Variants in DNAAF10 observed in about 807,000 individuals in gnomAD.
DNAAF10 encodes the protein WD repeat domain 92.
In DNAAF10, 28 loss-of-function variants were observed where a neutral mutation model predicts 43.7. The ratio of observed to expected loss-of-function variants is 0.64; its 90% confidence interval spans 0.48 to 0.88. The LOEUF (loss-of-function observed/expected upper bound fraction) is 0.88. Ranked by LOEUF, DNAAF10 falls within the 40% of genes least tolerant of loss-of-function variation. The probability of loss-of-function intolerance (pLI) is 0.00; values close to 1 mark genes in which losing one functional copy is unlikely to be tolerated. For synonymous variants in DNAAF10, 156 were observed against 157.3 expected, an observed-to-expected ratio of 0.99 and a Z score of 0.06; for missense variants, 403 against 439.1, an observed-to-expected ratio of 0.92 and a Z score of 0.73.
At chr2:68,156,721 A>T (rs1168201983) in intron 1 of DNAAF10, among the ~76,000 whole-genome samples, 1 of 151,788 alleles carries the variant, frequency 6.6e-6, no homozygotes, top group African/African-American at 2.4e-5. Context: ...CTTGTCCTTT[A>T]CTCCTAGTTT....
chr2:68,137,242 T>A, intron 6 of DNAAF10, 57 bp downstream of exon 6: 1 of 1,518,282 alleles, frequency 6.6e-7, no homozygotes, highest in Admixed American at 2.1e-5. Flanking sequence ...ATTCTACTTA[T>A]CAGTCTAAAC....
intron 1 of DNAAF10, among the ~76,000 whole-genome samples, chr2:68,152,308 T>A (rs1399620628): frequency 6.6e-6 from 1 of 152,196 alleles, no homozygotes; most frequent in Non-Finnish European, 1.5e-5. Context: ...ACTGTATATC[T>A]TCAACGTATT....
chr2:68,144,332 T>C (rs369519275), intron 3 of DNAAF10, among the ~76,000 whole-genome samples: 1 of 152,340 alleles, frequency 6.6e-6, no homozygotes, highest in East Asian at 1.9e-4. Context: ...GAAACCATCA[T>C]TGTTAGTAGC....
intron 4 of DNAAF10, 127 bp downstream of exon 4, chr2:68,141,567 A>G: frequency 3.7e-6 from 3 of 820,482 alleles, no homozygotes; most frequent in East Asian, 2.7e-5. Context: ...CACCACGTGT[A>G]TTTGCCTCAG....
intron 3 of DNAAF10, among the ~76,000 whole-genome samples, chr2:68,142,317 C>T (rs1258510327): frequency 6.6e-6 from 1 of 152,094 alleles, no homozygotes; most frequent in Admixed American, 6.6e-5. Context: ...AATGCAATGG[C>T]GTGATCTTGG....
At chr2:68,132,947 T>C (rs764203398) in intron 7 of DNAAF10, among the ~76,000 whole-genome samples, 3 of 152,190 alleles carry the variant, frequency 2.0e-5, no homozygotes, top group Non-Finnish European at 2.9e-5. Context: ...TACAAATCCA[T>C]GTGTAGATTA....
chr2:68,147,635 A>T, intron 1 of DNAAF10, 68 bp from the exon 2 acceptor site: 1 of 1,130,550 alleles, frequency 8.8e-7, no homozygotes, highest in Non-Finnish European at 1.2e-6. Flanking sequence ...TATTAATATC[A>T]TATTTATGGC....
chr2:68,147,432 T>C, intron 2 of DNAAF10, 35 bp downstream of exon 2: 1 of 1,490,088 alleles, frequency 6.7e-7, no homozygotes, highest in East Asian at 2.3e-5. Context: ...AAATTGCCTA[T>C]CTCATCTGTC....
intron 1 of DNAAF10, among the ~76,000 whole-genome samples, chr2:68,153,745 G>GTTC (rs1673514233): frequency 1.3e-5 from 1 of 78,418 alleles, no homozygotes; most frequent in African/African-American, 5.0e-5. Flanking sequence ...ACACAATGAA[G>GTTC]TTTTTTTTTT....
intron 3 of DNAAF10, among the ~76,000 whole-genome samples, chr2:68,144,160 T>C (rs1234951063): frequency 6.6e-6 from 1 of 152,190 alleles, no homozygotes; most frequent in East Asian, 1.9e-4. Flanking sequence ...GCTTAGTGGA[T>C]GGATCACAGA....
At chr2:68,134,101 C>A in intron 7 of DNAAF10, 1 of 978,646 alleles carries the variant, frequency 1.0e-6, no homozygotes, top group Non-Finnish European at 1.2e-6. Context: ...TTTTATCAGA[C>A]CTTTAATTTT....
chr2:68,133,725 C>A (rs1369095457), intron 7 of DNAAF10, among the ~76,000 whole-genome samples: 2 of 152,140 alleles, frequency 1.3e-5, no homozygotes, highest in Non-Finnish European at 2.9e-5. Flanking sequence ...GCACTCCAGC[C>A]TGGGTGACAG....
chr2:68,138,404 GACT>G, intron 5 of DNAAF10, among the ~76,000 whole-genome samples: 1 of 152,272 alleles, frequency 6.6e-6, no homozygotes, highest in East Asian at 1.9e-4. Context: ...CTGGGGAGGT[GACT>G]ACTGTTTCAG....
At chr2:68,134,680 C>T in intron 7 of DNAAF10, 22 bp downstream of exon 7, 2 of 1,601,594 alleles carry the variant, frequency 1.2e-6, no homozygotes, top group Non-Finnish European at 1.7e-6. Flanking sequence ...TTAAAAGGAG[C>T]AGTGTGCACT....
rs1673361611 is a variant in DNAAF10, at chr2:68,147,930, TG to T, written c.184-364del. ...AAGATATTATCTTTCCAGATGGTTA[TG>T]GGAACAAAAATGTTATGTGTCTCTT... is the stretch of plus-strand genomic sequence containing the variant. On this transcript the variant is annotated intron_variant, in intron 1 of 7. Transcript: ENST00000295121. Among the ~76,000 whole-genome samples, 2 of 152,214 alleles carry T rather than the reference TG, an allele frequency of 1.3e-5. 1 individual carries two copies.
intron 3 of DNAAF10, 116 bp from the exon 4 acceptor site, chr2:68,141,911 T>C: frequency 1.1e-5 from 9 of 801,602 alleles, no homozygotes; most frequent in South Asian, 3.3e-5. Context: ...TGTTATGACA[T>C]CTGAAAATAT....
intron 7 of DNAAF10, among the ~76,000 whole-genome samples, chr2:68,133,167 C>T (rs1672959745): frequency 1.3e-5 from 2 of 152,190 alleles, no homozygotes; most frequent in Admixed American, 1.3e-4. Context: ...CCCACATTCT[C>T]CCAGAACGAC....
rs1673109040 is a variant in DNAAF10, at chr2:68,138,877, A to G, written c.518-20T>C. ...CATTGCCTGGAAATCAAGATACAAC[A>G]TTTCACATCCTTATAAATGCATCCT... On this transcript the variant is annotated intron_variant, in intron 4 of 7. Coordinates refer to ENST00000295121, the MANE Select transcript of DNAAF10 (RefSeq NM_138458.4). 1.3e-6 allele frequency: 2 copies of G among 1,555,838 alleles called. No individual in the cohort carries two copies. The highest frequency in any genetic ancestry group is 1.7e-5 in the Admixed American group (1 of 59,560).
At chr2:68,147,428 C>G (rs770488148) in intron 2 of DNAAF10, 39 bp downstream of exon 2, 1 of 1,436,510 alleles carries the variant, frequency 7.0e-7, no homozygotes, top group Admixed American at 1.8e-5. Context: ...AAATAAATTG[C>G]CTATCTCATC....
Sources: allele counts gnomAD v4.1 joint callset (sites outside exome capture counted in the v4.1 genomes callset), GRCh38; gene constraint gnomAD v4.1.1; transcripts MANE v1.5; gene names NCBI Gene and HGNC (gene_info 2026-07-23, HGNC 2026-07-21).